BANK1: variants seen among roughly 807,000 people sequenced by gnomAD.
BANK1 encodes the protein B cell scaffold protein with ankyrin repeats 1, also known as B-cell scaffold protein with ankyrin repeats.
BANK1 carries 95 observed loss-of-function variants against 94.5 expected under a neutral mutation model. The observed-to-expected ratio is 1.00, with a 90% confidence interval of 0.85 to 1.19. The LOEUF (loss-of-function observed/expected upper bound fraction) is 1.19. Ranked by LOEUF, BANK1 falls within the 50% of genes most tolerant of loss-of-function variation. The pLI is 0.00. For missense variants in BANK1, 987 were observed against 932.2 expected (o/e 1.06, Z -0.77); for synonymous variants, 334 against 308.4 (o/e 1.08, Z -0.87).
chr4:101,955,533 C>A (rs1398730410), intron 7 of BANK1, among the ~76,000 whole-genome samples: 1 of 151,896 alleles, frequency 6.6e-6, no homozygotes. Flanking sequence ...TCATATAAAA[C>A]AAGACAAATG....
intron 1 of BANK1, among the ~76,000 whole-genome samples, chr4:101,803,940 G>A (rs1358721965): frequency 2.4e-5 from 3 of 127,336 alleles, no homozygotes; most frequent in Non-Finnish European, 4.7e-5. Context: ...GGAGCTTGCA[G>A]TGAGCCGAGA....
In BANK1 at chr4:101,966,123, T is replaced by G. The variant is rs1560656856; in HGVS notation, c.1206+47934T>G. On this transcript the variant is annotated intron_variant, in intron 7 of 16. Coordinates refer to ENST00000322953, the MANE Select transcript of BANK1 (RefSeq NM_017935.5). ...TATTGATTTTTAAAAAACAAATTTA[T>G]TTTTTGTGAACCACTTCAAGGAGGC... Among the ~76,000 whole-genome samples, 6 of 152,208 alleles carry G rather than the reference T, an allele frequency of 3.9e-5. No homozygotes were observed. The South Asian group carries it at 1.2e-3, about 32-fold the overall frequency.
At chr4:101,942,339 C>T (rs984255582) in intron 7 of BANK1, among the ~76,000 whole-genome samples, 2 of 151,836 alleles carry the variant, frequency 1.3e-5, no homozygotes, top group Non-Finnish European at 2.9e-5. Context: ...TGGGAAATTC[C>T]TCTAATAAAC....
At chr4:101,958,939 C>T (rs954756400) in intron 7 of BANK1, among the ~76,000 whole-genome samples, 10 of 152,138 alleles carry the variant, frequency 6.6e-5, no homozygotes, top group African/African-American at 2.4e-4. Flanking sequence ...GAAAGCTTTA[C>T]GTGTGTTGAT....
At chr4:102,023,792 T>C (rs1437246534) in intron 8 of BANK1, among the ~76,000 whole-genome samples, 1 of 152,228 alleles carries the variant, frequency 6.6e-6, no homozygotes, top group Non-Finnish European at 1.5e-5. Context: ...TCCTATAGCG[T>C]GAATGTAATT....
At chr4:101,996,517 G>T (rs1725886059) in intron 7 of BANK1, among the ~76,000 whole-genome samples, 1 of 152,114 alleles carries the variant, frequency 6.6e-6, no homozygotes, top group East Asian at 1.9e-4. Flanking sequence ...ATTACTTTGG[G>T]CAGTATGACC....
chr4:102,041,394 AAGAT>A (rs1727697401), intron 10 of BANK1, among the ~76,000 whole-genome samples: 2 of 152,092 alleles, frequency 1.3e-5, no homozygotes, highest in South Asian at 4.1e-4. Flanking sequence ...TTCAGGAAAT[AAGAT>A]AGGTCTTTTC....
chr4:102,069,574 C>G (rs572043192), intron 13 of BANK1, among the ~76,000 whole-genome samples: 16 of 152,176 alleles, frequency 1.1e-4, no homozygotes, highest in Non-Finnish European at 2.1e-4. Context: ...TACCATATGA[C>G]CTAGTCATTC....
At chr4:101,941,073 T>C (rs1723727578) in intron 7 of BANK1, among the ~76,000 whole-genome samples, 1 of 151,766 alleles carries the variant, frequency 6.6e-6, no homozygotes, top group South Asian at 2.1e-4. Context: ...TATGAACTCA[T>C]GGACATTTAT....
At chr4:101,977,144 C>A (rs1725162560) in intron 7 of BANK1, 1 of 152,122 alleles carries the variant, frequency 6.6e-6, no homozygotes, top group African/African-American at 2.4e-5. Flanking sequence ...CTAAAGATGA[C>A]ACTCATTTAC....
chr4:101,971,996 G>A (rs1194633914), intron 7 of BANK1, among the ~76,000 whole-genome samples: 2 of 151,854 alleles, frequency 1.3e-5, no homozygotes, highest in African/African-American at 4.8e-5. Context: ...TTAACTTTAG[G>A]ATCGTTTTTT....
At chr4:101,972,951 A>G (rs1725004248) in intron 7 of BANK1, among the ~76,000 whole-genome samples, 1 of 152,046 alleles carries the variant, frequency 6.6e-6, no homozygotes, top group Non-Finnish European at 1.5e-5. Context: ...ACATGTGGAG[A>G]GAGTAGAATA....
In BANK1 at chr4:101,862,603, T is replaced by C; in HGVS notation, c.702T>C (p.Asn234=). The change falls in exon 4 of 17, where the codon AAT becomes AAC. Residue 234 remains asparagine, a synonymous_variant. Coordinates refer to ENST00000322953, the MANE Select transcript of BANK1 (RefSeq NM_017935.5). ...TAGAGGTTGAATTTACATCAAGTAA[T>C]AAGCGCATTAGAACACGGCCAGCCC... The part of the protein sequence containing the change: ...DTVEVEFTSS[N]KRIRTRPALW... 6.2e-7 allele frequency: 1 copy of C among 1,611,914 alleles called. No individual in the cohort carries two copies. The highest frequency in any genetic ancestry group is 1.1e-5 in the South Asian group (1 of 90,718).
intron 5 of BANK1, among the ~76,000 whole-genome samples, chr4:101,875,393 T>C (rs1728450471): frequency 6.6e-6 from 1 of 152,212 alleles, no homozygotes; most frequent in Non-Finnish European, 1.5e-5. Flanking sequence ...GAAAAGAGGT[T>C]TAATTGACTC....
At chr4:101,846,455 T>G (rs1006122521) in intron 2 of BANK1, among the ~76,000 whole-genome samples, 1 of 152,226 alleles carries the variant, frequency 6.6e-6, no homozygotes, top group African/African-American at 2.4e-5. Context: ...TGTATTAGTC[T>G]GTTTTCACAC....
intron 2 of BANK1, among the ~76,000 whole-genome samples, chr4:101,840,697 T>G (rs763710282): frequency 1.3e-5 from 2 of 152,236 alleles, no homozygotes; most frequent in Non-Finnish European, 2.9e-5. Context: ...GGCTTGCTGT[T>G]AATAAATACA....
intron 2 of BANK1, among the ~76,000 whole-genome samples, chr4:101,834,604 T>A (rs2148865231): frequency 6.6e-6 from 1 of 152,070 alleles, no homozygotes; most frequent in Non-Finnish European, 1.5e-5. Context: ...CCAATCATGT[T>A]GAAGACATAA....
At chr4:102,041,340 A>C (rs554602131) in intron 10 of BANK1, among the ~76,000 whole-genome samples, 38 of 152,222 alleles carry the variant, frequency 2.5e-4, no homozygotes, top group African/African-American at 5.8e-4. Context: ...TGTCCTTGAC[A>C]GGTGTGTTTG....
intron 10 of BANK1, among the ~76,000 whole-genome samples, chr4:102,041,111 C>G (rs1017325471): frequency 1.3e-5 from 2 of 152,044 alleles, no homozygotes; most frequent in African/African-American, 4.8e-5. Context: ...TGACCTATAA[C>G]CCTACACTCA....
Sources: gnomAD v4.1 joint callset for allele counts (sites outside exome capture counted in the v4.1 genomes callset) on GRCh38, gnomAD v4.1.1 for gene constraint, MANE v1.5 for transcripts, NCBI Gene and HGNC (gene_info 2026-07-23, HGNC 2026-07-21) for gene names.